The following IGFL2 variants were observed in gnomAD, a reference collection of about 807,000 sequenced individuals.
IGFL2 encodes IGF like family member 2, also known as insulin growth factor-like family member 2.
In IGFL2, 7 loss-of-function variants were observed where a neutral mutation model predicts 13.9. The ratio of observed to expected loss-of-function variants is 0.51; its 90% CI spans 0.29 to 0.95. The LOEUF (loss-of-function observed/expected upper bound fraction) is 0.95. IGFL2 is among the 40% of genes least tolerant of loss of function. The pLI is 0.08. For synonymous variants in IGFL2, 55 were observed against 55.8 expected (o/e 0.99, Z 0.07); for missense variants, 138 against 147.8 (o/e 0.93, Z 0.34).
chr19:46,150,479 A>G (rs1373382060), intron 1 of IGFL2, among the ~76,000 whole-genome samples: 9 of 152,202 alleles, frequency 5.9e-5, no homozygotes, highest in Non-Finnish European at 1.3e-4. Flanking sequence ...GTTTTCTGCT[A>G]GGAATCTTTT....
the IGFL2 span, among the ~76,000 whole-genome samples, chr19:46,104,091 A>G: frequency 2.0e-5 from 3 of 152,196 alleles, no homozygotes; most frequent in Non-Finnish European, 4.4e-5. Context: ...AATCTGGAGT[A>G]GGCAAGAGAA....
At chr19:46,206,851 G>A in the IGFL2 span, 2 of 152,164 alleles carry the variant, frequency 1.3e-5, no homozygotes, top group African/African-American at 4.8e-5. Context: ...AATGGGGTCG[G>A]GGGTGTGAGT....
At chr19:46,168,901 T>A in the IGFL2 span, among the ~76,000 whole-genome samples, 6 of 132,834 alleles carry the variant, frequency 4.5e-5, no homozygotes, top group East Asian at 4.0e-4. Flanking sequence ...GTAGATTGAG[T>A]GTGTGTGTGT....
the IGFL2 span, among the ~76,000 whole-genome samples, chr19:46,105,177 C>G: frequency 1.3e-5 from 2 of 152,158 alleles, no homozygotes; most frequent in African/African-American, 4.8e-5. Flanking sequence ...ATGGAGGACC[C>G]TTGTGTAATG....
At chr19:46,174,670 T>C in the IGFL2 span, among the ~76,000 whole-genome samples, 3 of 152,318 alleles carry the variant, frequency 2.0e-5, no homozygotes, top group East Asian at 5.8e-4. Context: ...TCACACTTGA[T>C]ATCCTCTGAC....
upstream of IGFL2, among the ~76,000 whole-genome samples, chr19:46,146,388 T>C (rs145886031): frequency 1.3e-5 from 2 of 152,348 alleles, no homozygotes; most frequent in East Asian, 3.9e-4. Context: ...AATTGGATAG[T>C]GTGAGTCCTC....
chr19:46,116,806 A>G, the IGFL2 span, among the ~76,000 whole-genome samples: 1 of 152,200 alleles, frequency 6.6e-6, no homozygotes, highest in African/African-American at 2.4e-5. Context: ...TGGAAAGATT[A>G]AATCAAGCTA....
chr19:46,209,846 A>G, the IGFL2 span: 2 of 152,248 alleles, frequency 1.3e-5, no homozygotes, highest in Non-Finnish European at 2.9e-5. Flanking sequence ...AATGTATTTG[A>G]GAGTCCAGTA....
At chr19:46,128,329 CTTTA>C in the IGFL2 span, among the ~76,000 whole-genome samples, 1 of 152,024 alleles carries the variant, frequency 6.6e-6, no homozygotes, top group Non-Finnish European at 1.5e-5. Flanking sequence ...TTTAGATGCC[CTTTA>C]TTTCTTTCTC....
At chr19:46,106,069 G>A in the IGFL2 span, among the ~76,000 whole-genome samples, 1 of 152,230 alleles carries the variant, frequency 6.6e-6, no homozygotes, top group Non-Finnish European at 1.5e-5. Flanking sequence ...AAAGGAGAAA[G>A]TACCTTAACC....
the IGFL2 span, among the ~76,000 whole-genome samples, chr19:46,096,977 A>C: frequency 6.6e-6 from 1 of 151,988 alleles, no homozygotes; most frequent in Admixed American, 6.6e-5. Context: ...CTGAAGTTTT[A>C]CTTTTTTGTT....
the IGFL2 span, among the ~76,000 whole-genome samples, chr19:46,125,260 A>AATCT: frequency 1.3e-5 from 2 of 152,176 alleles, no homozygotes; most frequent in Non-Finnish European, 2.9e-5. Context: ...CAATGGCCCA[A>AATCT]ATCTCCTGGT....
chr19:46,174,544 G>A, the IGFL2 span, among the ~76,000 whole-genome samples: 1 of 152,194 alleles, frequency 6.6e-6, no homozygotes, highest in Admixed American at 6.5e-5. Flanking sequence ...GGATGTTGGT[G>A]GGAAAACATT....
the IGFL2 span, among the ~76,000 whole-genome samples, chr19:46,184,721 G>A: frequency 1.8e-4 from 27 of 152,252 alleles, no homozygotes; most frequent in Non-Finnish European, 3.4e-4. Context: ...AAACATACAT[G>A]TGCATGTGTG....
At chr19:46,173,561 A>C in the IGFL2 span, 1 of 152,446 alleles carries the variant, frequency 6.6e-6, no homozygotes, top group African/African-American at 2.4e-5. Flanking sequence ...CAGTCACGTC[A>C]CATGGCAAGA....
the IGFL2 span, chr19:46,210,411 T>C: frequency 6.6e-6 from 1 of 152,144 alleles, no homozygotes; most frequent in East Asian, 1.9e-4. Flanking sequence ...TTAATCAGGG[T>C]TCTCTAGAGG....
chr19:46,160,839 A>G lies in IGFL2; in HGVS notation c.299A>G (p.Asn100Ser). Residue 100 changes from asparagine to serine, a missense_variant, in exon 3 of 4, where the codon AAT (asparagine) becomes AGT (serine). Asn to Ser is a conservative substitution (Grantham distance 46). Transcript: ENST00000377693. ...GTGAAGCTGAAGGTTCAGGGTGTGA[A>G]TTCCCAGTGCCACTCATCTCCCATC... is the stretch of plus-strand genomic sequence containing the variant. ...FVVKLKVQGV[N>S]SQCHSSPISS... 5.0e-6 allele frequency: 8 copies of G among 1,613,926 alleles called. No individual in the cohort carries two copies. The highest frequency in any genetic ancestry group is 6.8e-6 in the Non-Finnish European group (8 of 1,179,884).
At chr19:46,186,734 G>A in the IGFL2 span, among the ~76,000 whole-genome samples, 1 of 152,206 alleles carries the variant, frequency 6.6e-6, no homozygotes, top group African/African-American at 2.4e-5. Context: ...GATATGGGGT[G>A]TTAATTAGCA....
the IGFL2 span, among the ~76,000 whole-genome samples, chr19:46,134,174 C>T: frequency 6.6e-6 from 1 of 152,166 alleles, no homozygotes; most frequent in Admixed American, 6.5e-5. Flanking sequence ...GTTCAACATT[C>T]TTTCTGGAAT....
Sources: allele counts gnomAD v4.1 joint callset (sites outside exome capture counted in the v4.1 genomes callset), GRCh38; gene constraint gnomAD v4.1.1; transcripts MANE v1.5; gene names NCBI Gene and HGNC (gene_info 2026-07-23, HGNC 2026-07-21).